Variants in TTC28 observed in about 807,000 individuals in gnomAD.
The protein encoded by TTC28 is tetratricopeptide repeat domain 28.
Under a neutral mutation model 198.0 loss-of-function variants are expected in TTC28, and 61 were observed. The observed-to-expected ratio is 0.31, with a 90% CI of 0.25 to 0.38. The LOEUF (loss-of-function observed/expected upper bound fraction) is 0.38. Among genes scored for constraint, TTC28 ranks in the 10% least tolerant of loss-of-function variants. The probability of loss-of-function intolerance (pLI) is 1.00; values close to 1 mark genes in which losing one functional copy is unlikely to be tolerated. For synonymous variants in TTC28, 1,171 were observed against 1,297.8 expected (o/e 0.90, Z 2.10); for missense variants, 2,678 against 3,164.0 (o/e 0.85, Z 3.69).
chr22:28,353,863 C>T (rs976127517), intron 2 of TTC28, among the ~76,000 whole-genome samples: 1 of 151,980 alleles, frequency 6.6e-6, no homozygotes, highest in Non-Finnish European at 1.5e-5. Context: ...TTTTACATAG[C>T]CAAAGGACTT....
chr22:28,475,369 CA>C (rs1297685922), intron 2 of TTC28, among the ~76,000 whole-genome samples: 3 of 151,972 alleles, frequency 2.0e-5, no homozygotes, highest in Non-Finnish European at 4.4e-5. Flanking sequence ...CATTTTGACA[CA>C]CCAATTAAAC....
intron 2 of TTC28, among the ~76,000 whole-genome samples, chr22:28,390,169 AC>A (rs1479522615): frequency 2.6e-5 from 4 of 152,080 alleles, no homozygotes; most frequent in Non-Finnish European, 5.9e-5. Flanking sequence ...GAGAATCTTA[AC>A]CCTGAGTTCT....
At chr22:28,215,194 A>C (rs1254041226) in intron 5 of TTC28, among the ~76,000 whole-genome samples, 1 of 152,170 alleles carries the variant, frequency 6.6e-6, no homozygotes, top group Non-Finnish European at 1.5e-5. Context: ...TGACGAGTTA[A>C]TGGGTGCAGC....
At chr22:28,634,128 G>A (rs752225367) in intron 1 of TTC28, among the ~76,000 whole-genome samples, 1 of 152,136 alleles carries the variant, frequency 6.6e-6, no homozygotes, top group Non-Finnish European at 1.5e-5. Context: ...AAAATGCGCT[G>A]TAGTAAGTGC....
intron 13 of TTC28, among the ~76,000 whole-genome samples, chr22:28,025,159 T>C (rs1345402377): frequency 6.8e-6 from 1 of 146,848 alleles, no homozygotes; most frequent in Non-Finnish European, 1.5e-5. Context: ...CATCAATCTA[T>C]CAGTTTCTTG....
At chr22:28,465,487 G>A (rs987662910) in intron 2 of TTC28, among the ~76,000 whole-genome samples, 1 of 152,038 alleles carries the variant, frequency 6.6e-6, no homozygotes, top group Admixed American at 6.5e-5. Context: ...AGGCCGGCGT[G>A]GTGGTGTGTG....
At chr22:28,539,700 A>C (rs1407239844) in intron 2 of TTC28, among the ~76,000 whole-genome samples, 1 of 151,876 alleles carries the variant, frequency 6.6e-6, no homozygotes, top group Non-Finnish European at 1.5e-5. Context: ...AATGGGGAGA[A>C]GAATCAGAAA....
At chr22:28,675,474 G>A (rs1336011790) in intron 1 of TTC28, among the ~76,000 whole-genome samples, 2 of 152,060 alleles carry the variant, frequency 1.3e-5, no homozygotes, top group Admixed American at 6.6e-5. Flanking sequence ...AGAGTAAACC[G>A]GGTGTGGTGG....
chr22:27,993,835 G>A (rs2146527602), intron 17 of TTC28, among the ~76,000 whole-genome samples: 1 of 152,230 alleles, frequency 6.6e-6, no homozygotes, highest in South Asian at 2.1e-4. Flanking sequence ...ACAGGTCAGG[G>A]GCCTGCCTCA....
intron 5 of TTC28, among the ~76,000 whole-genome samples, chr22:28,215,310 T>C (rs1390998975): frequency 1.3e-5 from 2 of 152,094 alleles, no homozygotes; most frequent in African/African-American, 2.4e-5. Context: ...GAAGACTGGA[T>C]CAGATGGTCT....
intron 12 of TTC28, among the ~76,000 whole-genome samples, chr22:28,072,096 T>C (rs1039690556): frequency 6.6e-6 from 1 of 152,236 alleles, no homozygotes; most frequent in East Asian, 1.9e-4. Context: ...TATATGTTCA[T>C]GGCACTTCAC....
chr22:28,591,036 CACACAT>C (rs1307871330), intron 2 of TTC28, among the ~76,000 whole-genome samples: 70 of 29,290 alleles, frequency 2.4e-3, no homozygotes, highest in African/African-American at 6.6e-3. Flanking sequence ...CACACACACA[CACACAT>C]ATATATATAT....
chr22:28,285,325 G>C (rs1439065367), intron 5 of TTC28, among the ~76,000 whole-genome samples: 8 of 152,200 alleles, frequency 5.3e-5, no homozygotes, highest in Non-Finnish European at 1.5e-5. Context: ...TTACTTACAT[G>C]AAATTCCACT....
At chr22:28,439,856 A>G (rs553543846) in intron 2 of TTC28, among the ~76,000 whole-genome samples, 5 of 151,266 alleles carry the variant, frequency 3.3e-5, no homozygotes, top group Non-Finnish European at 5.9e-5. Context: ...TTTTTTTAAG[A>G]CAGAGTTTTG....
chr22:28,108,647 T>C (rs182564737), intron 6 of TTC28, among the ~76,000 whole-genome samples: 15 of 152,200 alleles, frequency 9.9e-5, no homozygotes, highest in Admixed American at 9.8e-4. Context: ...GTACTACAAA[T>C]ACATATCTAA....
At chr22:28,229,503 C>T (rs563997859) in intron 5 of TTC28, among the ~76,000 whole-genome samples, 5 of 152,084 alleles carry the variant, frequency 3.3e-5, no homozygotes, top group South Asian at 2.1e-4. Context: ...ATGGAAGCAA[C>T]GAGCTTGTTC....
chr22:28,193,504 C>G (rs1389571815), intron 5 of TTC28, among the ~76,000 whole-genome samples: 2 of 152,046 alleles, frequency 1.3e-5, no homozygotes, highest in Admixed American at 1.3e-4. Context: ...ATTGATTAAA[C>G]AGTCAAGACC....
At chr22:28,253,920 C>T (rs1336026042) in intron 5 of TTC28, among the ~76,000 whole-genome samples, 1 of 151,908 alleles carries the variant, frequency 6.6e-6, no homozygotes, top group Non-Finnish European at 1.5e-5. Flanking sequence ...GCCTGGCCAA[C>T]ATGGTGAAAC....
At chr22:28,415,191 G>C (rs1036736723) in intron 2 of TTC28, among the ~76,000 whole-genome samples, 3 of 152,098 alleles carry the variant, frequency 2.0e-5, no homozygotes, top group Admixed American at 6.5e-5. Context: ...TTGGTATGGG[G>C]TCTGAGTTTA....
Sources: allele counts gnomAD v4.1 joint callset (sites outside exome capture counted in the v4.1 genomes callset), GRCh38; gene constraint gnomAD v4.1.1; transcripts MANE v1.5; gene names NCBI Gene and HGNC (gene_info 2026-07-23, HGNC 2026-07-21).